Variants in LHFPL3 observed in about 807,000 individuals in gnomAD.
LHFPL3 encodes the protein LHFPL tetraspan subfamily member 3, also known as LHFPL tetraspan subfamily member 3 protein.
In LHFPL3, 5 loss-of-function variants were observed where a neutral mutation model predicts 19.3. The observed-to-expected ratio is 0.26, with a 90% CI of 0.14 to 0.54. The LOEUF is 0.54. Ranked by LOEUF, LHFPL3 falls within the 20% of genes least tolerant of loss-of-function variation. The probability of loss-of-function intolerance (pLI) is 0.94; values close to 1 mark genes in which losing one functional copy is unlikely to be tolerated. For missense variants in LHFPL3, 249 were observed against 307.4 expected (o/e 0.81, Z 1.42); for synonymous variants, 133 against 126.2 (o/e 1.05, Z -0.36).
intron 2 of LHFPL3, among the ~76,000 whole-genome samples, chr7:104,782,960 A>G (rs991038716): frequency 1.3e-5 from 2 of 152,270 alleles, no homozygotes; most frequent in Non-Finnish European, 2.9e-5. Flanking sequence ...ACACACACAC[A>G]TGCACACATA....
At chr7:104,659,793 A>T (rs1256326110) in intron 1 of LHFPL3, among the ~76,000 whole-genome samples, 1 of 152,104 alleles carries the variant, frequency 6.6e-6, no homozygotes, top group Non-Finnish European at 1.5e-5. Context: ...GCTACTGTAG[A>T]AGGTTGTCTT....
At chr7:104,394,121 T>G (rs1176668870) in intron 1 of LHFPL3, among the ~76,000 whole-genome samples, 1 of 152,248 alleles carries the variant, frequency 6.6e-6, no homozygotes, top group African/African-American at 2.4e-5. Context: ...TTAATACAAC[T>G]GTTCTTTAAA....
At chr7:104,339,561 C>T (rs926858240) in intron 1 of LHFPL3, among the ~76,000 whole-genome samples, 3 of 152,354 alleles carry the variant, frequency 2.0e-5, no homozygotes, top group Middle Eastern at 6.8e-3. Context: ...CTGATTCCCA[C>T]TGCAGTTCCA....
chr7:104,851,749 A>G (rs1240886955), intron 2 of LHFPL3, among the ~76,000 whole-genome samples: 3 of 152,110 alleles, frequency 2.0e-5, no homozygotes, highest in African/African-American at 7.2e-5. Flanking sequence ...ATACAGAGTC[A>G]CATTTTCAAG....
intron 1 of LHFPL3, among the ~76,000 whole-genome samples, chr7:104,510,905 G>A (rs1345518259): frequency 6.6e-6 from 1 of 152,136 alleles, no homozygotes; most frequent in Non-Finnish European, 1.5e-5. Flanking sequence ...ATCAGAGAGT[G>A]GAGGGTGGGA....
At chr7:104,690,433 C>T (rs1289900178) in intron 1 of LHFPL3, among the ~76,000 whole-genome samples, 2 of 152,238 alleles carry the variant, frequency 1.3e-5, no homozygotes, top group Non-Finnish European at 1.5e-5. Context: ...TAATCTTGTT[C>T]GCAAAGATCT....
At chr7:104,742,338 TA>T (rs1793950876) in intron 2 of LHFPL3, among the ~76,000 whole-genome samples, 1 of 152,234 alleles carries the variant, frequency 6.6e-6, no homozygotes, top group African/African-American at 2.4e-5. Flanking sequence ...TTCTAGCACT[TA>T]AACTACAAAT....
intron 2 of LHFPL3, among the ~76,000 whole-genome samples, chr7:104,752,062 C>T (rs867174272): frequency 3.9e-5 from 6 of 152,030 alleles, no homozygotes; most frequent in East Asian, 3.9e-4. Flanking sequence ...AGGCTACTGG[C>T]GGTTGGGTCT....
intron 2 of LHFPL3, among the ~76,000 whole-genome samples, chr7:104,740,476 G>T (rs960340629): frequency 1.3e-5 from 2 of 152,130 alleles, no homozygotes; most frequent in South Asian, 2.1e-4. Context: ...ATCTGGAAAG[G>T]CCACTGTATT....
At chr7:104,535,571 TG>T (rs1794375733) in intron 1 of LHFPL3, among the ~76,000 whole-genome samples, 1 of 152,204 alleles carries the variant, frequency 6.6e-6, no homozygotes, top group Non-Finnish European at 1.5e-5. Context: ...TCTGTTCTGA[TG>T]GGGAGTAATC....
At chr7:104,588,450 G>A (rs963846160) in intron 1 of LHFPL3, among the ~76,000 whole-genome samples, 2 of 152,200 alleles carry the variant, frequency 1.3e-5, no homozygotes, top group South Asian at 4.2e-4. Context: ...TATTTCTGAG[G>A]GTTCTGTTCT....
intron 1 of LHFPL3, among the ~76,000 whole-genome samples, chr7:104,558,619 T>C (rs1789913991): frequency 6.6e-6 from 1 of 150,956 alleles, no homozygotes; most frequent in Non-Finnish European, 1.5e-5. Flanking sequence ...TTTTCTCCCG[T>C]TTTGTAGGTT....
At chr7:104,576,397 AAC>A (rs1217653513) in intron 1 of LHFPL3, among the ~76,000 whole-genome samples, 3 of 152,182 alleles carry the variant, frequency 2.0e-5, no homozygotes, top group Non-Finnish European at 4.4e-5. Context: ...CAGGACTGCA[AAC>A]ACACTATTTA....
chr7:104,686,807 C>T (rs938416328), intron 1 of LHFPL3, among the ~76,000 whole-genome samples: 3 of 152,188 alleles, frequency 2.0e-5, no homozygotes, highest in Admixed American at 6.5e-5. Context: ...CTCACAGTTC[C>T]GCATGGCTGG....
At chr7:104,873,416 G>T (rs1791872169) in intron 2 of LHFPL3, among the ~76,000 whole-genome samples, 2 of 152,154 alleles carry the variant, frequency 1.3e-5, no homozygotes, top group South Asian at 2.1e-4. Context: ...GAGCCCAGGA[G>T]TTTGAGATCA....
intron 2 of LHFPL3, among the ~76,000 whole-genome samples, chr7:104,782,305 G>A (rs1789822854): frequency 6.6e-6 from 1 of 152,182 alleles, no homozygotes; most frequent in South Asian, 2.1e-4. Flanking sequence ...CAAGAGAAAG[G>A]AAAAGAAGCT....
chr7:104,378,707 G>T (rs1171699339), intron 1 of LHFPL3, among the ~76,000 whole-genome samples: 1 of 152,098 alleles, frequency 6.6e-6, no homozygotes, highest in African/African-American at 2.4e-5. Context: ...TGGGTGTACT[G>T]CAGTATCTCA....
intron 2 of LHFPL3, among the ~76,000 whole-genome samples, chr7:104,905,636 A>G (rs2116739842): frequency 6.6e-6 from 1 of 152,344 alleles, no homozygotes; most frequent in East Asian, 1.9e-4. Context: ...ATTGTCTTTA[A>G]TGTAATGTTT....
intron 1 of LHFPL3, among the ~76,000 whole-genome samples, chr7:104,598,460 T>A (rs989139263): frequency 6.6e-6 from 1 of 152,168 alleles, no homozygotes; most frequent in Admixed American, 6.5e-5. Context: ...CAAAGCACAG[T>A]CAAAGCAGTG....
Sources: allele counts gnomAD v4.1 joint callset (sites outside exome capture counted in the v4.1 genomes callset), GRCh38; gene constraint gnomAD v4.1.1; transcripts MANE v1.5; gene names NCBI Gene and HGNC (gene_info 2026-07-23, HGNC 2026-07-21).